The following ACTA2 variants were observed in gnomAD, a reference collection of about 807,000 sequenced individuals.
The protein encoded by ACTA2 is actin alpha 2, smooth muscle.
Under a neutral mutation model 39.5 loss-of-function variants are expected in ACTA2, and 12 were observed. The ratio of observed to expected loss-of-function variants is 0.30; its 90% CI spans 0.19 to 0.49. The LOEUF is 0.49. Ranked by LOEUF, ACTA2 falls within the 20% of genes least tolerant of loss-of-function variation. The pLI, the probability that ACTA2 is intolerant of heterozygous loss-of-function variation, is 0.99. For missense variants in ACTA2, 236 were observed against 498.8 expected (o/e 0.47, Z 5.02); for synonymous variants, 158 against 180.6 (o/e 0.88, Z 1.00).
At chr10:88,969,775 T>C (rs1330820149) in intron 1 of ACTA2, among the ~76,000 whole-genome samples, 3 of 152,216 alleles carry the variant, frequency 2.0e-5, no homozygotes, top group Non-Finnish European at 4.4e-5. Context: ...ATTATTTCAT[T>C]CGTATACATC....
At chr10:88,968,225 C>A (rs1846356218) in intron 1 of ACTA2, among the ~76,000 whole-genome samples, 2 of 152,170 alleles carry the variant, frequency 1.3e-5, no homozygotes, top group South Asian at 4.1e-4. Flanking sequence ...CCTCATTTAT[C>A]CAGAATATTT....
intron 1 of ACTA2, chr10:88,989,544 ACAGAG>A (rs1484157800): frequency 1.8e-6 from 1 of 543,272 alleles, no homozygotes; most frequent in Non-Finnish European, 3.7e-6. Flanking sequence ...GAAAGGTGGA[ACAGAG>A]ACAAGCCTAT....
At chr10:88,936,888 A>G (rs951726147) in intron 8 of ACTA2, among the ~76,000 whole-genome samples, 2 of 152,134 alleles carry the variant, frequency 1.3e-5, no homozygotes, top group African/African-American at 2.4e-5. Flanking sequence ...GGTTCTCTAT[A>G]CTATCTCATT....
chr10:88,963,414 G>C (rs2902337), intron 1 of ACTA2, among the ~76,000 whole-genome samples: 2,726 of 77,900 alleles, frequency 0.035, 74 homozygotes, highest in African/African-American at 0.12. Flanking sequence ...TTTCTTACTC[G>C]TCAGGAGTAA....
chr10:88,956,521 A>C (rs554246223), upstream of ACTA2, among the ~76,000 whole-genome samples: 1 of 152,346 alleles, frequency 6.6e-6, no homozygotes, highest in South Asian at 2.1e-4. Flanking sequence ...CGATTTAATC[A>C]TATCTGCAAA....
chr10:88,973,391 T>C (rs111980233), intron 1 of ACTA2: 173,263 of 1,401,762 alleles, frequency 0.12, 11,597 homozygotes, highest in Non-Finnish European at 0.14. Flanking sequence ...AAATCTTTCA[T>C]AGAGTTCCCG....
At chr10:88,949,239 A>T (rs2133274939) in intron 1 of ACTA2, among the ~76,000 whole-genome samples, 1 of 152,314 alleles carries the variant, frequency 6.6e-6, no homozygotes, top group East Asian at 1.9e-4. Context: ...AGGTGGATAG[A>T]GCCAGTGAAT....
At chr10:88,979,323 C>G (rs948296001) in intron 1 of ACTA2, among the ~76,000 whole-genome samples, 2 of 152,024 alleles carry the variant, frequency 1.3e-5, no homozygotes, top group African/African-American at 4.8e-5. Context: ...GCCTTGCCAG[C>G]CTTGGCTCCT....
chr10:88,941,480 A>C, intron 5 of ACTA2, 90 bp from the exon 6 acceptor site: 1 of 1,521,516 alleles, frequency 6.6e-7, no homozygotes, highest in Non-Finnish European at 9.1e-7. Flanking sequence ...GGGGAGAGGG[A>C]ATTTCCGAGC....
rs1847082892 is a variant in ACTA2, at chr10:88,990,282, T to A, written c.-24+657A>T. On this transcript the variant is annotated intron_variant, in intron 1 of 4. Transcript: ENST00000415557. This position sits in a 1 kb window ranked among gnomAD's most constrained non-coding sequence, Gnocchi z 4.9. ...AATGCCCCGCAAGTCTTTCTCTGAGTGACTCCAGCAATTAGCCAAGGCTCC... is the reference window on the plus strand; with the variant it reads ...AATGCCCCGCAAGTCTTTCTCTGAGAGACTCCAGCAATTAGCCAAGGCTCC... Among the ~76,000 whole-genome samples the A allele has an allele frequency of 6.6e-6, 1 of 152,156 alleles. No individual in the cohort carries two copies. The highest frequency in any genetic ancestry group is 2.4e-5 in the African/African-American group (1 of 41,420).
Position 88,935,458 on chromosome 10 carries a change from C to T in ACTA2, c.991-92G>A. 2.1e-6 allele frequency: 3 copies of T among 1,450,344 alleles called. No homozygotes were observed. The South Asian group carries it at 3.4e-5, about 16-fold the overall frequency. The allele number at this position is 1,450,344 out of a possible 1,614,324, so 89.8% of individuals were successfully genotyped here. On this transcript the variant is annotated intron_variant, in intron 8 of 8. Coordinates refer to ENST00000224784, the MANE Select transcript of ACTA2 (RefSeq NM_001613.4). ...ACAGAGCCTGGATGTTCTACCATGG[C>T]CTAGTTTCTTGTTCAGCAGGGACAC... is the stretch of plus-strand genomic sequence containing the variant.
intron 1 of ACTA2, among the ~76,000 whole-genome samples, chr10:88,961,375 A>G (rs1846223762): frequency 6.6e-6 from 1 of 152,200 alleles, no homozygotes; most frequent in African/African-American, 2.4e-5. Flanking sequence ...AAATGTGAAG[A>G]GACTTTTAAG....
chr10:88,948,428 G>A (rs753109912), intron 2 of ACTA2: 2 of 279,558 alleles, frequency 7.2e-6, no homozygotes, highest in African/African-American at 2.2e-5. Flanking sequence ...CATCAGCCCT[G>A]TATGGTTAAG....
chr10:88,971,818 C>T (rs896125539), intron 1 of ACTA2, among the ~76,000 whole-genome samples: 1 of 152,058 alleles, frequency 6.6e-6, no homozygotes, highest in Non-Finnish European at 1.5e-5. Context: ...GGGTGATGCT[C>T]TGATGGTGAG....
In ACTA2 at chr10:88,986,336, G is replaced by A. The variant is rs78897170; in HGVS notation, c.-24+4603C>T. ...TCAGGGGACCACCATATGCAAAAAT[G>A]TCAGGGGAGGGGTACTCAATTGGAT... is the stretch of plus-strand genomic sequence containing the variant. On this transcript the variant is annotated intron_variant, in intron 1 of 4. Coordinates refer to the ACTA2 transcript ENST00000415557. Among the ~76,000 whole-genome samples the A allele has an allele frequency of 4.0e-3, 612 of 152,308 alleles. 2 individuals are homozygous for A. The highest frequency in any genetic ancestry group is 0.014 in the African/African-American group (583 of 41,554).
intron 1 of ACTA2, among the ~76,000 whole-genome samples, chr10:88,986,027 G>A (rs1846871588): frequency 6.6e-6 from 1 of 152,066 alleles, no homozygotes; most frequent in South Asian, 2.1e-4. Context: ...ATAATGTAAT[G>A]TTTTATTTTA....
At chr10:88,971,682 C>T (rs958693839) in intron 1 of ACTA2, among the ~76,000 whole-genome samples, 1 of 152,098 alleles carries the variant, frequency 6.6e-6, no homozygotes, top group East Asian at 1.9e-4. Flanking sequence ...TAATAGGACA[C>T]GTGTAAGACT....
upstream of ACTA2, among the ~76,000 whole-genome samples, chr10:88,956,890 T>C (rs966895075): frequency 1.3e-5 from 2 of 152,232 alleles, no homozygotes; most frequent in African/African-American, 2.4e-5. Context: ...GAGGGCCTTC[T>C]TGATGTGCCA....
intron 1 of ACTA2, among the ~76,000 whole-genome samples, chr10:88,960,479 G>A (rs1208092007): frequency 6.6e-6 from 1 of 152,098 alleles, no homozygotes; most frequent in Non-Finnish European, 1.5e-5. Context: ...GAGTGTTTTG[G>A]AGTTGGAATC....
Sources: gnomAD v4.1 joint callset for allele counts (sites outside exome capture counted in the v4.1 genomes callset) on GRCh38, gnomAD v4.1.1 for gene constraint, Gnocchi (gnomAD v3.1) non-coding constraint, MANE v1.5 for transcripts, NCBI Gene and HGNC (gene_info 2026-07-23, HGNC 2026-07-21) for gene names.